The following GPC5 variants were observed in gnomAD, a reference collection of about 807,000 sequenced individuals.
GPC5 encodes glypican 5.
In GPC5, 47 loss-of-function variants were observed where a neutral mutation model predicts 53.9. That is an observed-to-expected ratio of 0.87 (90% confidence interval 0.69 to 1.11). The LOEUF is 1.11. Among genes scored for constraint, GPC5 ranks in the 50% most tolerant of loss-of-function variants. GPC5 has a pLI of 0.00. For synonymous variants in GPC5, 286 were observed against 263.3 expected, an observed-to-expected ratio of 1.09 and a Z score of -0.84; for missense variants, 748 against 713.1, an observed-to-expected ratio of 1.05 and a Z score of -0.56.
rs566372524 is a variant in GPC5, at chr13:91,737,370, T to C, written c.1154+8705T>C. On this transcript the variant is annotated intron_variant, in intron 4 of 7. Transcript: ENST00000377067. ...TTCCTCAGGTATCCTTTTTTAAAAT[T>C]TACTTTGAGTAATTCCCAAGAGAAT... Among the ~76,000 whole-genome samples the C allele has an allele frequency of 6.1e-4, 92 of 151,550 alleles. 4 individuals carry two copies. The highest frequency in any genetic ancestry group is 2.0e-3 in the African/African-American group (83 of 40,866).
At chr13:91,983,863 G>A (rs1301109421) in intron 6 of GPC5, among the ~76,000 whole-genome samples, 1 of 152,148 alleles carries the variant, frequency 6.6e-6, no homozygotes, top group Admixed American at 6.5e-5. Flanking sequence ...GAGGTCAACC[G>A]ATTTGTGCCC....
intron 7 of GPC5, among the ~76,000 whole-genome samples, chr13:92,327,268 G>A (rs997789122): frequency 3.3e-5 from 5 of 152,078 alleles, no homozygotes; most frequent in African/African-American, 4.8e-5. Flanking sequence ...CAAACTTGCC[G>A]CTATACTCTC....
intron 7 of GPC5, among the ~76,000 whole-genome samples, chr13:92,844,254 A>G (rs1432387919): frequency 6.6e-6 from 1 of 152,108 alleles, no homozygotes; most frequent in African/African-American, 2.4e-5. Context: ...TTTCAGGTGT[A>G]AGTTTTCTCA....
At chr13:91,476,960 A>G (rs762270422) in intron 2 of GPC5, among the ~76,000 whole-genome samples, 5 of 152,322 alleles carry the variant, frequency 3.3e-5, no homozygotes, top group South Asian at 4.1e-4. Flanking sequence ...CCAGAAAGCG[A>G]TGTTGGACCC....
intron 7 of GPC5, among the ~76,000 whole-genome samples, chr13:92,742,985 C>G (rs1205643184): frequency 1.3e-5 from 2 of 152,082 alleles, no homozygotes; most frequent in East Asian, 3.9e-4. Flanking sequence ...ATTACTGTAG[C>G]CTTGTAGCAT....
intron 7 of GPC5, among the ~76,000 whole-genome samples, chr13:92,290,688 T>G (rs2042987543): frequency 6.6e-6 from 1 of 152,198 alleles, no homozygotes; most frequent in South Asian, 2.1e-4. Context: ...CTGAGTAGTA[T>G]TCCATTGCAT....
chr13:92,028,441 C>T (rs2040816874), intron 6 of GPC5, among the ~76,000 whole-genome samples: 2 of 152,080 alleles, frequency 1.3e-5, no homozygotes, highest in Admixed American at 6.6e-5. Flanking sequence ...TCTTGAATTG[C>T]TATTATGCTG....
chr13:91,816,232 T>C (rs1003290938), intron 5 of GPC5, among the ~76,000 whole-genome samples: 1 of 152,206 alleles, frequency 6.6e-6, no homozygotes, highest in Non-Finnish European at 1.5e-5. Context: ...TGTGCAAGTA[T>C]TGTGTTTGTT....
chr13:92,158,775 T>G (rs2041964327), intron 7 of GPC5, among the ~76,000 whole-genome samples: 1 of 152,220 alleles, frequency 6.6e-6, no homozygotes, highest in Non-Finnish European at 1.5e-5. Context: ...AACTGTTTTT[T>G]GCTGAGATAT....
intron 6 of GPC5, among the ~76,000 whole-genome samples, chr13:92,033,906 C>T (rs947310704): frequency 2.6e-4 from 40 of 152,210 alleles, no homozygotes; most frequent in African/African-American, 8.9e-4. Flanking sequence ...TTGTGACCAC[C>T]GGCCTTAATT....
intron 7 of GPC5, among the ~76,000 whole-genome samples, chr13:92,780,011 A>C (rs1875960646): frequency 6.6e-6 from 1 of 152,126 alleles, no homozygotes; most frequent in Non-Finnish European, 1.5e-5. Context: ...GCAGTCTTTC[A>C]TATCCCCAGG....
At chr13:92,671,921 G>T in intron 7 of GPC5, among the ~76,000 whole-genome samples, 1 of 152,230 alleles carries the variant, frequency 6.6e-6, no homozygotes, top group South Asian at 2.1e-4. Context: ...AAGGGAGAAC[G>T]TTGACATTAT....
intron 7 of GPC5, among the ~76,000 whole-genome samples, chr13:92,635,329 T>A (rs2139139680): frequency 6.6e-6 from 1 of 152,270 alleles, no homozygotes; most frequent in Non-Finnish European, 1.5e-5. Context: ...ACTGGGTAAT[T>A]TATTTAAAAA....
chr13:92,571,242 A>G (rs1883012856), intron 7 of GPC5, among the ~76,000 whole-genome samples: 1 of 152,310 alleles, frequency 6.6e-6, no homozygotes. Context: ...GTTGCCACAT[A>G]TATGGTTCCA....
At chr13:91,735,402 C>T (rs545208582) in intron 4 of GPC5, among the ~76,000 whole-genome samples, 2 of 151,010 alleles carry the variant, frequency 1.3e-5, no homozygotes, top group African/African-American at 4.9e-5. Flanking sequence ...TTATACTGGC[C>T]TATCGTCTGT....
At chr13:92,285,734 A>C (rs1043973492) in intron 7 of GPC5, among the ~76,000 whole-genome samples, 2 of 152,210 alleles carry the variant, frequency 1.3e-5, no homozygotes, top group African/African-American at 4.8e-5. Flanking sequence ...TTATACAAAA[A>C]TTAATTCAAG....
In GPC5 at chr13:92,743,360, G is replaced by A. The variant is rs562692353; in HGVS notation, c.1562-122922G>A. On this transcript the variant is annotated intron_variant, in intron 7 of 7. Coordinates refer to ENST00000377067, the MANE Select transcript of GPC5 (RefSeq NM_004466.6). ...CTCTTTGAAGCAATTGTGAATGGGAGTTCACTCATGATTTGGCTCTCTGTT... is the reference window on the plus strand; with the variant it reads ...CTCTTTGAAGCAATTGTGAATGGGAATTCACTCATGATTTGGCTCTCTGTT... 3.3e-5 allele frequency among the ~76,000 whole-genome samples: 5 copies of A among 152,202 alleles called. No individual in the cohort carries two copies. In the South Asian group the frequency reaches 8.3e-4, roughly 25 times the overall value.
intron 7 of GPC5, among the ~76,000 whole-genome samples, chr13:92,685,058 C>T (rs1385563198): frequency 6.6e-6 from 1 of 151,734 alleles, no homozygotes; most frequent in East Asian, 1.9e-4. Flanking sequence ...TTTCCTTTCC[C>T]TTTCCATTGC....
chr13:92,544,874 T>G (rs2139006876), intron 7 of GPC5, among the ~76,000 whole-genome samples: 1 of 152,042 alleles, frequency 6.6e-6, no homozygotes, highest in African/African-American at 2.4e-5. Flanking sequence ...GGGGTAAAGT[T>G]AAAAAACTCT....
Sources: gnomAD v4.1 joint callset for allele counts (sites outside exome capture counted in the v4.1 genomes callset) on GRCh38, gnomAD v4.1.1 for gene constraint, MANE v1.5 for transcripts, NCBI Gene and HGNC (gene_info 2026-07-23, HGNC 2026-07-21) for gene names.